Variants in ENTREP2 observed in about 807,000 individuals in gnomAD.
ENTREP2 encodes the protein protein ENTREP2.
the ENTREP2 span, among the ~76,000 whole-genome samples, chr15:29,127,661 G>C: frequency 6.6e-6 from 1 of 152,198 alleles, no homozygotes; most frequent in Non-Finnish European, 1.5e-5. Flanking sequence ...AAGCTCTGCT[G>C]GTCCCTGGGT....
At chr15:29,497,350 T>C in the ENTREP2 span, among the ~76,000 whole-genome samples, 1 of 152,238 alleles carries the variant, frequency 6.6e-6, no homozygotes. Context: ...GTATTAATTC[T>C]TCTTTAAATG....
chr15:29,382,195 G>C, the ENTREP2 span, among the ~76,000 whole-genome samples: 1 of 151,452 alleles, frequency 6.6e-6, no homozygotes, highest in African/African-American at 2.4e-5. Context: ...CTGGGAGGCA[G>C]AGGTTGCAGT....
At chr15:29,292,121 G>C in the ENTREP2 span, among the ~76,000 whole-genome samples, 2 of 152,180 alleles carry the variant, frequency 1.3e-5, no homozygotes, top group East Asian at 3.9e-4. Context: ...ATAACCCAAA[G>C]AATACCTGCT....
chr15:29,276,469 G>C, the ENTREP2 span, among the ~76,000 whole-genome samples: 1 of 152,068 alleles, frequency 6.6e-6, no homozygotes, highest in African/African-American at 2.4e-5. Flanking sequence ...CCTTTCCTGA[G>C]TGCACAGGAT....
the ENTREP2 span, among the ~76,000 whole-genome samples, chr15:29,603,758 C>T: frequency 2.0e-5 from 3 of 152,158 alleles, no homozygotes; most frequent in Admixed American, 2.0e-4. Context: ...CCTGCCTCAG[C>T]CTCCCGAGTA....
the ENTREP2 span, among the ~76,000 whole-genome samples, chr15:29,576,610 G>A: frequency 1.3e-5 from 2 of 152,262 alleles, no homozygotes; most frequent in South Asian, 4.2e-4. Context: ...TCAGATTATG[G>A]ATAGAACTAC....
chr15:29,648,591 T>A, the ENTREP2 span, among the ~76,000 whole-genome samples: 2 of 152,166 alleles, frequency 1.3e-5, no homozygotes, highest in Non-Finnish European at 2.9e-5. Flanking sequence ...GCAGCAAGTG[T>A]TGCTTTTAAA....
the ENTREP2 span, among the ~76,000 whole-genome samples, chr15:29,551,938 G>A: frequency 1.3e-5 from 2 of 152,146 alleles, no homozygotes; most frequent in Admixed American, 1.3e-4. Context: ...AAACCTTCAT[G>A]TCATCTATTT....
chr15:29,455,968 A>G, the ENTREP2 span, among the ~76,000 whole-genome samples: 11 of 152,338 alleles, frequency 7.2e-5, no homozygotes, highest in Non-Finnish European at 1.3e-4. Flanking sequence ...CAGGAAAACA[A>G]GCTCAGGGCT....
chr15:29,470,605 C>T, the ENTREP2 span, among the ~76,000 whole-genome samples: 1 of 152,160 alleles, frequency 6.6e-6, no homozygotes, highest in East Asian at 1.9e-4. Flanking sequence ...CTTCCCAGTC[C>T]TACAAACGCT....
the ENTREP2 span, among the ~76,000 whole-genome samples, chr15:29,231,592 A>G: frequency 1.3e-5 from 2 of 152,198 alleles, no homozygotes; most frequent in African/African-American, 4.8e-5. Context: ...ATTTATATCC[A>G]TATATCCTTA....
At chr15:29,504,310 T>C in the ENTREP2 span, among the ~76,000 whole-genome samples, 2 of 152,056 alleles carry the variant, frequency 1.3e-5, no homozygotes, top group Admixed American at 6.6e-5. Flanking sequence ...TATAGAGGAG[T>C]TAAATGACTT....
At chr15:29,388,303 G>A in the ENTREP2 span, among the ~76,000 whole-genome samples, 2 of 152,138 alleles carry the variant, frequency 1.3e-5, no homozygotes, top group African/African-American at 4.8e-5. Context: ...TCAACAAGTG[G>A]GTGAAGGGTA....
the ENTREP2 span, among the ~76,000 whole-genome samples, chr15:29,182,555 A>AG: frequency 6.6e-6 from 1 of 152,164 alleles, no homozygotes; most frequent in African/African-American, 2.4e-5. Flanking sequence ...GAAAAACAGA[A>AG]GGCTAAATGA....
At chr15:29,128,765 A>G in the ENTREP2 span, 17 of 1,538,126 alleles carry the variant, frequency 1.1e-5, 1 homozygote, top group South Asian at 1.4e-4. Flanking sequence ...ACCCCACTTC[A>G]GGAGCTGAAA....
the ENTREP2 span, among the ~76,000 whole-genome samples, chr15:29,138,677 G>GTGTGTA: frequency 9.8e-5 from 14 of 142,450 alleles, no homozygotes; most frequent in East Asian, 2.4e-3. Context: ...GTGTGTCTCT[G>GTGTGTA]TGTGTATGTG....
chr15:29,278,807 T>G, the ENTREP2 span, among the ~76,000 whole-genome samples: 10 of 152,214 alleles, frequency 6.6e-5, no homozygotes, highest in African/African-American at 2.4e-4. Context: ...TTGCTCTACA[T>G]GTGCACTGGT....
the ENTREP2 span, among the ~76,000 whole-genome samples, chr15:29,627,162 G>GT: frequency 9.9e-3 from 1,512 of 152,166 alleles, 26 homozygotes; most frequent in African/African-American, 0.035. Flanking sequence ...ATGTGTTTTC[G>GT]TTTCATGCAG....
the ENTREP2 span, chr15:29,123,565 G>C: frequency 6.4e-7 from 1 of 1,551,756 alleles, no homozygotes; most frequent in East Asian, 2.4e-5. Context: ...GGGCTCTGGT[G>C]TTGGCCGTTG....
Sources: gnomAD v4.1 joint callset for allele counts (sites outside exome capture counted in the v4.1 genomes callset) on GRCh38, gnomAD v4.1.1 for gene constraint, MANE v1.5 for transcripts, NCBI Gene and HGNC (gene_info 2026-07-23, HGNC 2026-07-21) for gene names.